HGF: variants seen among roughly 807,000 people sequenced by gnomAD.
HGF encodes fibroblast-derived tumor cytotoxic factor.
HGF carries 39 observed loss-of-function variants against 111.6 expected under a neutral mutation model. The ratio of observed to expected loss-of-function variants is 0.35; its 90% CI spans 0.27 to 0.46. The LOEUF is 0.46. HGF is among the 20% of genes least tolerant of loss of function. HGF has a pLI of 1.00. For synonymous variants in HGF, 285 were observed against 294.8 expected (o/e 0.97, Z 0.34); for missense variants, 735 against 910.5 (o/e 0.81, Z 2.48).
intron 8 of HGF, among the ~76,000 whole-genome samples, chr7:81,728,950 C>G (rs5745692): frequency 0.023 from 3,481 of 152,286 alleles, 64 homozygotes; most frequent in Non-Finnish European, 0.036. Flanking sequence ...GGCATTGTGT[C>G]TGTGCCTGTC....
chr7:81,711,365 T>G (rs1222872403), intron 12 of HGF, 116 bp downstream of exon 12: 1 of 527,116 alleles, frequency 1.9e-6, no homozygotes, highest in Non-Finnish European at 3.3e-6. Context: ...ATAAATAGAT[T>G]AACTTCTTTT....
At chr7:81,725,839 G>T (rs1328441969) in intron 9 of HGF, 51 bp downstream of exon 9, 3 of 1,596,578 alleles carry the variant, frequency 1.9e-6, no homozygotes, top group Non-Finnish European at 2.6e-6. Context: ...CTCCCTTTAG[G>T]CATTTCCCCT....
intron 14 of HGF, 44 bp from the exon 15 acceptor site, chr7:81,706,471 C>T: frequency 6.8e-7 from 1 of 1,476,850 alleles, no homozygotes; most frequent in Non-Finnish European, 9.5e-7. Flanking sequence ...ATAATAATTC[C>T]AAATTCTGTA....
chr7:81,700,525 A>C lies in HGF; in HGVS notation c.*2056T>G, dbSNP rs1380428753. 1 of 151,682 alleles carries C rather than the reference A, an allele frequency of 6.6e-6. No individual in the cohort carries two copies. Among genetic ancestry groups the C allele is most frequent in the African/African-American group, 2.4e-5 (1 of 41,416 alleles). 9.4% of individuals were successfully genotyped at this position (151,682 alleles called of 1,614,324 possible). ...AAGAGTCATTAAAGAAGTATTTTTA[A>C]AATGTGAGTATTTAAAATTATGACA... On this transcript the variant is annotated 3_prime_UTR_variant, in exon 18 of 18. Transcript: ENST00000222390.
In HGF at chr7:81,701,925, T is replaced by G. The variant is rs5745770; in HGVS notation, c.*656A>C. ...TCTACTGGTCTTTAGAGATTTCTGG[T>G]TTTTTTGAGGTAAAACTATAGGTAC... is the stretch of plus-strand genomic sequence containing the variant. On this transcript the variant is annotated 3_prime_UTR_variant, in exon 18 of 18. Transcript: ENST00000222390. The G allele has an allele frequency of 1.6e-3, 250 of 159,818 alleles. 1 individual carries two copies. The highest frequency in any genetic ancestry group is 5.5e-3 in the African/African-American group (231 of 41,798). 9.9% of individuals were successfully genotyped at this position (159,818 alleles called of 1,614,324 possible).
intron 8 of HGF, among the ~76,000 whole-genome samples, chr7:81,726,906 T>G (rs1471828911): frequency 6.6e-6 from 1 of 152,044 alleles, no homozygotes; most frequent in Non-Finnish European, 1.5e-5. Flanking sequence ...TGCTTTCATT[T>G]CATAGATTCC....
intron 2 of HGF, among the ~76,000 whole-genome samples, chr7:81,761,133 C>T (rs963312173): frequency 4.0e-5 from 6 of 150,844 alleles, no homozygotes; most frequent in African/African-American, 1.5e-4. Context: ...ACTCTATCCT[C>T]CTCAACTGCT....
intron 7 of HGF, among the ~76,000 whole-genome samples, chr7:81,736,896 T>G (rs796503206): frequency 4.2e-5 from 6 of 143,596 alleles, no homozygotes; most frequent in Admixed American, 1.4e-4. Context: ...TGTAGAGGGG[T>G]GTGTGTGTGT....
chr7:81,757,736 T>C (rs1361220929), intron 3 of HGF, among the ~76,000 whole-genome samples: 1 of 152,196 alleles, frequency 6.6e-6, no homozygotes, highest in Non-Finnish European at 1.5e-5. Flanking sequence ...TTTTTGTTTA[T>C]ATATGCATAT....
Position 81,717,328 on chromosome 7 carries a change from C to T in HGF, c.1309G>A (p.Glu437Lys). 1.2e-6 allele frequency: 2 copies of T among 1,613,674 alleles called. No individual in the cohort carries two copies. Among genetic ancestry groups the T allele is most frequent in the Non-Finnish European group, 1.7e-6 (2 of 1,179,606 alleles). Residue 437 changes from glutamate (E) to lysine (K), a missense_variant, in exon 11 of 18, where the codon GAG becomes AAG. Glu to Lys is a moderately conservative substitution (Grantham distance 56, BLOSUM62 1). Transcript: ENST00000222390. ...TCATCTGGATTTCGGCAGTAATTCT[C>T]ATTCAGCTTACTTGCATCTGGTTCC... ...FWEPDASKLN[E>K]NYCRNPDDDA...
chr7:81,760,692 T>C (rs907748850), intron 2 of HGF, among the ~76,000 whole-genome samples: 98 of 149,026 alleles, frequency 6.6e-4, no homozygotes, highest in African/African-American at 2.4e-3. Context: ...TGTGTGTGTG[T>C]GTGTGTGTGT....
chr7:81,715,026 G>A (rs1381520690), intron 11 of HGF, among the ~76,000 whole-genome samples: 1 of 152,018 alleles, frequency 6.6e-6, no homozygotes, highest in Non-Finnish European at 1.5e-5. Context: ...AAAAATATTA[G>A]TTGAAAAAAT....
chr7:81,765,486 G>A (rs1211471730), intron 1 of HGF, among the ~76,000 whole-genome samples: 3 of 151,840 alleles, frequency 2.0e-5, no homozygotes, highest in African/African-American at 4.8e-5. Flanking sequence ...GAAATGAAAA[G>A]CTTGTCTGGG....
At chr7:81,707,125 T>A (rs747349018) in intron 14 of HGF, among the ~76,000 whole-genome samples, 165 bp downstream of exon 14, 8 of 151,986 alleles carry the variant, frequency 5.3e-5, no homozygotes, top group Admixed American at 2.0e-4. Flanking sequence ...TAAATATCTG[T>A]GAAGTCAAAG....
intron 10 of HGF, among the ~76,000 whole-genome samples, chr7:81,719,999 A>T (rs981906879): frequency 1.3e-5 from 2 of 152,158 alleles, no homozygotes; most frequent in Non-Finnish European, 2.9e-5. Flanking sequence ...ATTCTAGTGC[A>T]TATACTCTGG....
chr7:81,702,259 G>T lies in HGF; in HGVS notation c.*322C>A. ...GAAACCAACATCAGAAAGCAGCTTA[G>T]ACAGATTAATTGATTTTTTTTCCCA... On this transcript the variant is annotated 3_prime_UTR_variant, in exon 18 of 18. Coordinates refer to ENST00000222390, the MANE Select transcript of HGF (RefSeq NM_000601.6). 2 of 317,696 alleles carry T rather than the reference G, an allele frequency of 6.3e-6. No individual in the cohort carries two copies. Among genetic ancestry groups the T allele is most frequent in the Admixed American group, 4.6e-5 (1 of 21,796 alleles). The allele number at this position is 317,696 out of a possible 1,614,324, so 19.7% of individuals were successfully genotyped here. A position where few individuals can be genotyped will look rare whatever the true frequency, so the allele number is the denominator to read the frequency against.
At chr7:81,705,557 A>G (rs754457294) in intron 16 of HGF, 22 bp from the exon 17 acceptor site, 1 of 1,610,662 alleles carries the variant, frequency 6.2e-7, no homozygotes, top group South Asian at 1.1e-5. Context: ...CAAAAAACAT[A>G]CAATAAGGTG....
intron 11 of HGF, among the ~76,000 whole-genome samples, chr7:81,716,909 G>A (rs996173930): frequency 4.6e-5 from 7 of 152,138 alleles, no homozygotes; most frequent in Non-Finnish European, 2.9e-5. Flanking sequence ...TTGGTATTGG[G>A]GGGTGGGGAG....
At chr7:81,740,265 A>G (rs1787960931) in intron 7 of HGF, among the ~76,000 whole-genome samples, 1 of 152,166 alleles carries the variant, frequency 6.6e-6, no homozygotes, top group Non-Finnish European at 1.5e-5. Flanking sequence ...AACATTGAAA[A>G]CCCAGAATGA....
Sources: allele counts gnomAD v4.1 joint callset (sites outside exome capture counted in the v4.1 genomes callset), GRCh38; gene constraint gnomAD v4.1.1; transcripts MANE v1.5; gene names NCBI Gene and HGNC (gene_info 2026-07-23, HGNC 2026-07-21).